Variants in RPGRIP1L observed in about 807,000 individuals in gnomAD.
RPGRIP1L encodes RPGRIP1 like, also known as protein fantom.
RPGRIP1L carries 131 observed loss-of-function variants against 160.4 expected under a neutral mutation model. That is an observed-to-expected ratio of 0.82 (90% confidence interval 0.71 to 0.94). The LOEUF (loss-of-function observed/expected upper bound fraction) is 0.94. Among genes scored for constraint, RPGRIP1L ranks in the 40% least tolerant of loss-of-function variants. The pLI is 0.00. For synonymous variants in RPGRIP1L, 510 were observed against 515.8 expected, an observed-to-expected ratio of 0.99 and a Z score of 0.15; for missense variants, 1,522 against 1,535.8, an observed-to-expected ratio of 0.99 and a Z score of 0.15.
rs111712225 is a variant in RPGRIP1L, at chr16:53,646,005, T to C, written c.2305-2A>G. ...AGTTTTGGGTGCTTGCTGACTTAAC[T>C]GGAAAAACATACATATTTATATTAA... On this transcript the variant is annotated splice_acceptor_variant, in intron 16 of 26. Transcript: ENST00000647211. LOFTEE classifies it high-confidence loss of function. 1.2e-6 allele frequency: 2 copies of C among 1,613,498 alleles called. No homozygotes were observed. Among genetic ancestry groups the C allele is most frequent in the African/African-American group, 1.3e-5 (1 of 74,890 alleles).
At chr16:53,636,372 A>T in intron 22 of RPGRIP1L, 67 bp downstream of exon 22, 1 of 1,035,366 alleles carries the variant, frequency 9.7e-7, no homozygotes, top group Non-Finnish European at 1.5e-6. Flanking sequence ...TATGAAGACT[A>T]CATATGTACT....
chr16:53,674,206 T>G (rs1968967264), intron 7 of RPGRIP1L, among the ~76,000 whole-genome samples: 1 of 152,130 alleles, frequency 6.6e-6, no homozygotes, highest in South Asian at 2.1e-4. Context: ...TGAAAAATAT[T>G]TAACTATTGA....
At chr16:53,662,528 A>T (rs571854783) in intron 10 of RPGRIP1L, among the ~76,000 whole-genome samples, 5 of 152,168 alleles carry the variant, frequency 3.3e-5, no homozygotes, top group Admixed American at 6.5e-5. Flanking sequence ...ATGAGAAGGT[A>T]AATGTATGAA....
chr16:53,649,987 A>T (rs1598323414), intron 15 of RPGRIP1L, among the ~76,000 whole-genome samples: 1 of 152,252 alleles, frequency 6.6e-6, no homozygotes, highest in Non-Finnish European at 1.5e-5. Flanking sequence ...ATTATTACAA[A>T]TATTACCCCT....
intron 17 of RPGRIP1L, among the ~76,000 whole-genome samples, chr16:53,644,191 T>C (rs1306118137): frequency 6.6e-6 from 1 of 152,028 alleles, no homozygotes; most frequent in Non-Finnish European, 1.5e-5. Flanking sequence ...ATTACTGCAA[T>C]GAAAAAATTC....
chr16:53,602,811 G>A (rs1301516334), intron 26 of RPGRIP1L, among the ~76,000 whole-genome samples: 2 of 151,872 alleles, frequency 1.3e-5, no homozygotes, highest in Admixed American at 6.6e-5. Flanking sequence ...CTAGTAAGGA[G>A]TAAGTCTAAA....
chr16:53,682,246 G>T (rs530311352), intron 6 of RPGRIP1L, among the ~76,000 whole-genome samples: 1 of 152,120 alleles, frequency 6.6e-6, no homozygotes, highest in Non-Finnish European at 1.5e-5. Context: ...TTATTTCTCT[G>T]GTCTCTGCAA....
In RPGRIP1L at chr16:53,692,053, A is replaced by G. The variant is rs765470306; in HGVS notation, c.529+13T>C. 3.1e-6 allele frequency: 5 copies of G among 1,613,286 alleles called. No individual in the cohort carries two copies. The highest frequency in any genetic ancestry group is 3.3e-4 in the Middle Eastern group (2 of 6,054). On this transcript the variant is annotated intron_variant, in intron 4 of 26. Transcript: ENST00000647211. ...AAGACTTCAGTTTAGATTTAACGTA[A>G]GCTTTGTTTTACCTTTCCTGGGGCA... is the stretch of plus-strand genomic sequence containing the variant.
chr16:53,647,076 A>G (rs186204104), intron 16 of RPGRIP1L, among the ~76,000 whole-genome samples: 10 of 152,290 alleles, frequency 6.6e-5, no homozygotes, highest in Admixed American at 5.9e-4. Context: ...GAGTCTAAAA[A>G]GCTTTAAACT....
chr16:53,700,221 TC>T (rs1451375850), intron 2 of RPGRIP1L, among the ~76,000 whole-genome samples: 1 of 152,232 alleles, frequency 6.6e-6, no homozygotes, highest in Admixed American at 6.5e-5. Context: ...AAAGTCACTA[TC>T]ATGTGAGATA....
intron 3 of RPGRIP1L, 85 bp from the exon 4 acceptor site, chr16:53,692,449 G>T: frequency 8.1e-7 from 1 of 1,236,210 alleles, no homozygotes; most frequent in Non-Finnish European, 1.2e-6. Flanking sequence ...TCACTGTGAA[G>T]ACTTCAGTGC....
At chr16:53,620,505 C>G (rs975998020) in intron 23 of RPGRIP1L, among the ~76,000 whole-genome samples, 1 of 152,094 alleles carries the variant, frequency 6.6e-6, no homozygotes, top group Non-Finnish European at 1.5e-5. Flanking sequence ...AATACAGGTA[C>G]AAGGCTGCAG....
At chr16:53,701,643 G>A (rs1226063860) in intron 1 of RPGRIP1L, 1 of 151,666 alleles carries the variant, frequency 6.6e-6, no homozygotes, top group African/African-American at 2.4e-5. Flanking sequence ...ATTGGTTCTA[G>A]AATGTAAAGA....
At chr16:53,657,364 G>T in intron 13 of RPGRIP1L, 89 bp downstream of exon 13, 2 of 854,010 alleles carry the variant, frequency 2.3e-6, no homozygotes, top group African/African-American at 1.7e-5. Context: ...GATGTTAATA[G>T]ATAACAGGTG....
At chr16:53,665,545 T>A (rs958035899) in intron 9 of RPGRIP1L, among the ~76,000 whole-genome samples, 1 of 152,112 alleles carries the variant, frequency 6.6e-6, no homozygotes, top group Non-Finnish European at 1.5e-5. Context: ...GATAATATAG[T>A]TTTTGTTAAA....
rs541345098 is a variant in RPGRIP1L, at chr16:53,648,621, C to T, written c.2304+343G>A. 2.9e-3 allele frequency among the ~76,000 whole-genome samples: 306 copies of T among 105,632 alleles called. 1 individual carries two copies. The highest frequency in any genetic ancestry group is 5.0e-3 in the Non-Finnish European group (248 of 49,802). The allele number at this position is 105,632 out of a possible 152,430, so 69.3% of individuals were successfully genotyped here. On this transcript the variant is annotated intron_variant, in intron 16 of 26. Transcript: ENST00000647211. Reference sequence around the variant, plus strand: ...ACATATACGTACGCGCGTGCGCGCGCGCGCGCACACACACACACACACACA... The same window carrying T: ...ACATATACGTACGCGCGTGCGCGCGTGCGCGCACACACACACACACACACA...
intron 10 of RPGRIP1L, among the ~76,000 whole-genome samples, chr16:53,662,129 T>C (rs1967850646): frequency 6.6e-6 from 1 of 152,178 alleles, no homozygotes; most frequent in Admixed American, 6.5e-5. Context: ...TCAAATGAGA[T>C]AACATTTCAC....
chr16:53,599,887 G>C lies in RPGRIP1L; in HGVS notation c.*2189C>G, dbSNP rs1280685689. 6.6e-6 allele frequency: 1 copy of C among 152,152 alleles called. No individual in the cohort carries two copies. The highest frequency in any genetic ancestry group is 1.5e-5 in the Non-Finnish European group (1 of 68,040). The allele number at this position is 152,152 out of a possible 1,614,324, so 9.4% of individuals were successfully genotyped here. On this transcript the variant is annotated 3_prime_UTR_variant, in exon 27 of 27. Transcript: ENST00000647211. ...ATGAAAATGAGTGTTGTGAAAATTCGCAATAGTTTGAAACTGAATATTTTA... is the reference window on the plus strand; with the variant it reads ...ATGAAAATGAGTGTTGTGAAAATTCCCAATAGTTTGAAACTGAATATTTTA...
chr16:53,665,515 G>A (rs936411500), intron 9 of RPGRIP1L, among the ~76,000 whole-genome samples: 6 of 151,982 alleles, frequency 3.9e-5, no homozygotes, highest in East Asian at 1.9e-4. Context: ...CAATACCTCC[G>A]ATATTGATTA....
Sources: allele counts gnomAD v4.1 joint callset (sites outside exome capture counted in the v4.1 genomes callset), GRCh38; gene constraint gnomAD v4.1.1; transcripts MANE v1.5; gene names NCBI Gene and HGNC (gene_info 2026-07-23, HGNC 2026-07-21).